Variants in SNURF observed in about 807,000 individuals in gnomAD.
SNURF encodes SNURF protein.
Under a neutral mutation model 11.6 loss-of-function variants are expected in SNURF, and 6 were observed. The observed-to-expected ratio is 0.52, with a 90% CI of 0.28 to 1.02. The LOEUF (loss-of-function observed/expected upper bound fraction) is 1.02, where lower values mean the gene tolerates loss of function less well. Ranked by LOEUF, SNURF falls within the 50% of genes least tolerant of loss-of-function variation. The pLI, the probability that SNURF is intolerant of heterozygous loss-of-function variation, is 0.09. For missense variants in SNURF, 84 were observed against 88.4 expected, an observed-to-expected ratio of 0.95 and a Z score of 0.20; for synonymous variants, 29 against 31.6, an observed-to-expected ratio of 0.92 and a Z score of 0.27.
intron 6 of SNURF, chr15:24,977,086 C>T (rs565676905): frequency 2.5e-5 from 36 of 1,413,772 alleles, no homozygotes; most frequent in African/African-American, 2.2e-4. Flanking sequence ...AGCCGGAGGC[C>T]GAGGAGATTT....
At chr15:24,962,047 C>A in intron 1 of SNURF, 67 bp from the exon 2 acceptor site, 2 of 1,289,684 alleles carry the variant, frequency 1.6e-6, no homozygotes, top group Non-Finnish European at 2.3e-6. Context: ...TAAATATAAC[C>A]TTGACAAATA....
At chr15:24,967,641 TA>T (rs35079024) in intron 2 of SNURF, among the ~76,000 whole-genome samples, 48,998 of 133,796 alleles carry the variant, frequency 0.37, 8,559 homozygotes, top group East Asian at 0.51. Flanking sequence ...GACTCTGTCT[TA>T]AAAAAAAAAA....
chr15:24,957,602 TG>T (rs2063139181), intron 1 of SNURF, among the ~76,000 whole-genome samples: 1 of 152,252 alleles, frequency 6.6e-6, no homozygotes, highest in South Asian at 2.1e-4. Flanking sequence ...CTGGTATGTC[TG>T]GTTGCACTGA....
rs1356219928 is a variant in SNURF at position 24,964,480 on chromosome 15, GAC to G, written c.110+2273_110+2274del. ...GCTAATTTTGTATTTTTTTAGTAGA[GAC>G]AGGGTTTCTCCATGTTGGTCAGGCT... On this transcript the variant is annotated intron_variant, in intron 2 of 2. Transcript: ENST00000577949. 2.6e-5 allele frequency among the ~76,000 whole-genome samples: 4 copies of G among 152,160 alleles called. No homozygotes were observed. The East Asian group carries it at 7.7e-4, about 29-fold the overall frequency.
intron 3 of SNURF, chr15:24,974,567 T>A: frequency 1.0e-6 from 1 of 983,884 alleles, no homozygotes; most frequent in Non-Finnish European, 1.7e-6. Context: ...TAAGGATACA[T>A]CCATGGATAT....
chr15:24,956,401 G>A (rs1037803644), intron 1 of SNURF, among the ~76,000 whole-genome samples: 1 of 152,036 alleles, frequency 6.6e-6, no homozygotes, highest in African/African-American at 2.4e-5. Flanking sequence ...TGGGGAGGGG[G>A]CAGGTGGTGT....
downstream of SNURF, chr15:24,978,194 C>A: frequency 6.2e-7 from 1 of 1,613,454 alleles, no homozygotes; most frequent in Non-Finnish European, 8.5e-7. Context: ...TCACTGTAGG[C>A]ATTATGGCTC....
intron 5 of SNURF, among the ~76,000 whole-genome samples, chr15:24,976,657 G>T (rs1399247434): frequency 6.6e-6 from 1 of 152,094 alleles, no homozygotes; most frequent in East Asian, 1.9e-4. Flanking sequence ...ATGTTTGCTT[G>T]GTATGTTTAT....
At chr15:24,967,991 C>T in exon 3 of SNURF, 1 of 1,614,050 alleles carries the variant, frequency 6.2e-7, no homozygotes, top group Non-Finnish European at 8.5e-7. Flanking sequence ...GATTTCCAGG[C>T]TGAACTGAGG....
At chr15:24,965,275 C>T (rs976395498) in intron 2 of SNURF, among the ~76,000 whole-genome samples, 34 of 152,132 alleles carry the variant, frequency 2.2e-4, no homozygotes, top group Non-Finnish European at 3.5e-4. Context: ...CGGTGGCTCA[C>T]GCCTGTAATC....
intron 1 of SNURF, among the ~76,000 whole-genome samples, chr15:24,956,445 G>T (rs751929170): frequency 6.6e-6 from 1 of 151,986 alleles, no homozygotes; most frequent in Non-Finnish European, 1.5e-5. Flanking sequence ...AGTTTCAGCC[G>T]TACCCTCTTT....
intron 1 of SNURF, among the ~76,000 whole-genome samples, chr15:24,961,349 G>C (rs1345107683): frequency 6.6e-6 from 1 of 152,154 alleles, no homozygotes; most frequent in African/African-American, 2.4e-5. Flanking sequence ...CTTTTGGCAT[G>C]TATCTTTGAA....
At chr15:24,964,094 A>ATT (rs141844738) in intron 2 of SNURF, among the ~76,000 whole-genome samples, 23 of 150,132 alleles carry the variant, frequency 1.5e-4, no homozygotes, top group African/African-American at 5.4e-4. Context: ...GAGGGTAAAG[A>ATT]TTTTTTTTTT....
rs116905609 is a variant in SNURF, at chr15:24,965,394, G to C, written c.111-2538G>C. 1.3e-3 allele frequency among the ~76,000 whole-genome samples: 195 copies of C among 152,172 alleles called. No individual in the cohort carries two copies. The East Asian group carries it at 0.026, about 20-fold the overall frequency. On this transcript the variant is annotated intron_variant, in intron 2 of 2. Coordinates refer to ENST00000577949, the Ensembl canonical transcript of SNURF. ...CTCTAGAAAAATAAAAAAATCAGCC[G>C]GGTGTGGTAGTGTGCACCTGTAATC... is the stretch of plus-strand genomic sequence containing the variant.
At chr15:24,975,542 A>G in intron 4 of SNURF, 1 of 1,596,634 alleles carries the variant, frequency 6.3e-7, no homozygotes, top group Non-Finnish European at 8.6e-7. Flanking sequence ...GGGGTTGGAC[A>G]CAGAGGCAGT....
downstream of SNURF, chr15:24,977,978 T>A (rs955033772): frequency 2.1e-6 from 3 of 1,447,288 alleles, no homozygotes; most frequent in Non-Finnish European, 2.8e-6. Flanking sequence ...CTTACTGATT[T>A]AAGACACAGC....
At chr15:24,966,507 C>A (rs550426935) in intron 2 of SNURF, among the ~76,000 whole-genome samples, 1 of 152,284 alleles carries the variant, frequency 6.6e-6, no homozygotes, top group South Asian at 2.1e-4. Flanking sequence ...AGCAACTCTC[C>A]TGCCCTCCCA....
Position 24,956,354 on chromosome 15 carries a change from C to CGCGG in SNURF, c.14+1293_14+1294insCGGG, listed in dbSNP as rs1555404318. 2.8e-4 allele frequency among the ~76,000 whole-genome samples: 39 copies of CGCGG among 138,224 alleles called. 1 individual carries two copies. The East Asian group carries it at 5.4e-3, about 19-fold the overall frequency. 90.7% of individuals were successfully genotyped at this position (138,224 alleles called of 152,430 possible). A position where few individuals can be genotyped will look rare whatever the true frequency, so the allele number is the denominator to read the frequency against. On this transcript the variant is annotated intron_variant, in intron 1 of 2. Coordinates refer to ENST00000577949, the Ensembl canonical transcript of SNURF. ...GCTTAGATCTGCGCAAGCGCTTCAG[C>CGCGG]GGGGGGGTGGCCGCTTCCTCCCTGT... is the stretch of plus-strand genomic sequence containing the variant.
At chr15:24,967,309 A>G (rs1333022401) in intron 2 of SNURF, 1 of 152,914 alleles carries the variant, frequency 6.5e-6, no homozygotes, top group African/African-American at 2.4e-5. Context: ...TTGTGTTATA[A>G]TTTCTCATAA....
Sources: allele counts gnomAD v4.1 joint callset (sites outside exome capture counted in the v4.1 genomes callset), GRCh38; gene constraint gnomAD v4.1.1; transcripts MANE v1.5; gene names NCBI Gene and HGNC (gene_info 2026-07-23, HGNC 2026-07-21).